DENND5A: variants seen among roughly 807,000 people sequenced by gnomAD.
DENND5A encodes DENN domain-containing protein 5A.
A neutral mutation model predicts 140.3 loss-of-function variants in DENND5A; 64 were observed. The observed-to-expected ratio is 0.46, with a 90% confidence interval of 0.37 to 0.56. The LOEUF is 0.56. DENND5A is among the 20% of genes least tolerant of loss of function. The probability of loss-of-function intolerance (pLI) is 0.00; values close to 1 mark genes in which losing one functional copy is unlikely to be tolerated. For missense variants in DENND5A, 1,292 were observed against 1,593.8 expected, an observed-to-expected ratio of 0.81 and a Z score of 3.22; for synonymous variants, 605 against 607.7, an observed-to-expected ratio of 1.00 and a Z score of 0.07.
chr11:9,173,571 A>C (rs1848445073), intron 8 of DENND5A, among the ~76,000 whole-genome samples: 1 of 152,142 alleles, frequency 6.6e-6, no homozygotes, highest in Non-Finnish European at 1.5e-5. Flanking sequence ...TCCAAGTTGG[A>C]CTCAAACTCC....
chr11:9,193,184 T>C (rs915539898), intron 5 of DENND5A, among the ~76,000 whole-genome samples: 2 of 152,190 alleles, frequency 1.3e-5, no homozygotes, highest in South Asian at 2.1e-4. Flanking sequence ...GCTACGATCA[T>C]GCTACTGCAC....
chr11:9,147,588 A>G (rs1847475382), intron 15 of DENND5A, among the ~76,000 whole-genome samples: 1 of 152,138 alleles, frequency 6.6e-6, no homozygotes, highest in Non-Finnish European at 1.5e-5. Flanking sequence ...CCCTGAGTAG[A>G]TCTGAGAGCC....
chr11:9,264,920 A>G (rs1852376352), intron 1 of DENND5A, 41 bp downstream of exon 1: 2 of 1,475,928 alleles, frequency 1.4e-6, no homozygotes, highest in African/African-American at 1.4e-5. Context: ...CCCCGACGAC[A>G]GCGGGCGCGG....
chr11:9,249,283 C>T (rs1467604852), intron 1 of DENND5A, among the ~76,000 whole-genome samples: 2 of 151,712 alleles, frequency 1.3e-5, no homozygotes, highest in East Asian at 1.9e-4. Flanking sequence ...GTAATTCTAA[C>T]GTGTTGTAAC....
rs568405118 is a variant in DENND5A, at chr11:9,147,067, G to T, written c.2820C>A (p.Val940=). The T allele has an allele frequency of 1.9e-6, 3 of 1,614,158 alleles. No individual in the cohort carries two copies. Among genetic ancestry groups the T allele is most frequent in the Non-Finnish European group, 2.5e-6 (3 of 1,179,986 alleles). The change falls in exon 16 of 23, where the codon GTC becomes GTA. Residue 940 remains valine (V), a synonymous_variant. Transcript: ENST00000328194. ...FLYHLLSFNA[V]DYFCFTNVFT... is the part of the protein sequence containing the mutation. ...AGACATTGGTGAAGCAAAAGTAATC[G>T]ACGGCATTGAAAGACAGGAGGTGAT...
At chr11:9,215,839 C>G (rs1431025162) in intron 1 of DENND5A, among the ~76,000 whole-genome samples, 1 of 152,102 alleles carries the variant, frequency 6.6e-6, no homozygotes, top group African/African-American at 2.4e-5. Context: ...CGTGAGCCAC[C>G]GCGCCTGGCC....
intron 12 of DENND5A, among the ~76,000 whole-genome samples, chr11:9,157,230 C>G (rs931466579): frequency 1.3e-5 from 2 of 152,186 alleles, no homozygotes; most frequent in Non-Finnish European, 2.9e-5. Context: ...CCATACAGAA[C>G]CCAGCATAAT....
At position 9,179,284 on chromosome 11, in the gene DENND5A, C is replaced by A. The variant is rs1385428793; in HGVS notation, c.1456-211G>T. ...AGGAGAGAAAAGTCAAAGAGTTTCA[C>A]TTAAAGATATCCAACAACTCAATGA... On this transcript the variant is annotated intron_variant, in intron 6 of 22. Transcript: ENST00000328194. Among the ~76,000 whole-genome samples, 3 of 152,056 alleles carry A rather than the reference C, an allele frequency of 2.0e-5. 1 individual carries two copies. The highest frequency in any genetic ancestry group is 7.2e-5 in the African/African-American group (3 of 41,394).
At chr11:9,191,210 C>A (rs1353864012) in intron 5 of DENND5A, among the ~76,000 whole-genome samples, 2 of 151,774 alleles carry the variant, frequency 1.3e-5, no homozygotes, top group African/African-American at 4.8e-5. Flanking sequence ...TTTTGGGTTT[C>A]TTTTCTGTTT....
rs60770899 is a variant in DENND5A, at chr11:9,153,387, C to T, written c.2437-945G>A. Among the ~76,000 whole-genome samples the T allele has an allele frequency of 0.015, 2,147 of 144,298 alleles. 199 individuals are homozygous for T. In the East Asian group the frequency reaches 0.27, roughly 18 times the overall value. The allele number at this position is 144,298 out of a possible 152,430, so 94.7% of individuals were successfully genotyped here. On this transcript the variant is annotated intron_variant, in intron 12 of 22. Transcript: ENST00000328194. ...AAAAAAAAAGAAGCAAATGACCTAT[C>T]ATCCTCTAAATGGTCTGCTGGTTTT...
chr11:9,198,328 AC>A, intron 4 of DENND5A, among the ~76,000 whole-genome samples: 1 of 151,910 alleles, frequency 6.6e-6, no homozygotes, highest in Non-Finnish European at 1.5e-5. Flanking sequence ...AAAAAAAGTA[AC>A]CAGGGCTGGG....
intron 5 of DENND5A, 74 bp from the exon 6 acceptor site, chr11:9,181,158 G>A: frequency 7.4e-7 from 1 of 1,359,404 alleles, no homozygotes; most frequent in South Asian, 1.4e-5. Flanking sequence ...AAAGGTTAGT[G>A]AACAAGAGGG....
intron 8 of DENND5A, among the ~76,000 whole-genome samples, chr11:9,177,497 AT>A (rs112442431): frequency 0.043 from 6,377 of 149,406 alleles, 414 homozygotes; most frequent in African/African-American, 0.14. Flanking sequence ...AAAAAAAAAA[AT>A]TTTTTAATTA....
At chr11:9,224,891 A>G (rs953426711) in intron 1 of DENND5A, among the ~76,000 whole-genome samples, 12 of 151,578 alleles carry the variant, frequency 7.9e-5, no homozygotes, top group East Asian at 3.9e-4. Context: ...CAGTATCCCA[A>G]CGTTTTCATT....
chr11:9,183,465 T>C (rs1848802075), intron 5 of DENND5A, among the ~76,000 whole-genome samples: 1 of 151,910 alleles, frequency 6.6e-6, no homozygotes, highest in African/African-American at 2.4e-5. Flanking sequence ...GAGACAGAGT[T>C]TTGCTCTATT....
intron 1 of DENND5A, chr11:9,245,282 C>CA (rs112989622): frequency 0.21 from 20,474 of 95,960 alleles, 1,742 homozygotes; most frequent in Middle Eastern, 0.26. Flanking sequence ...AGACTGTCAC[C>CA]AAAAAAAAAA....
intron 1 of DENND5A, among the ~76,000 whole-genome samples, chr11:9,248,538 G>A (rs949740781): frequency 6.6e-6 from 1 of 151,924 alleles, no homozygotes; most frequent in Non-Finnish European, 1.5e-5. Flanking sequence ...GTCTGTGGTC[G>A]CAGCTACTCC....
rs774521348 is a variant in DENND5A at position 9,179,027 on chromosome 11, T to A, written c.1502A>T (p.Gln501Leu). The A allele has an allele frequency of 9.3e-6, 15 of 1,614,182 alleles. No individual in the cohort carries two copies. Among genetic ancestry groups the A allele is most frequent in the Middle Eastern group, 1.6e-4 (1 of 6,062 alleles). Reference protein sequence around the residue: ...DPSSNKDLKVQCDEEELRIYQ... With the variant: ...DPSSNKDLKVLCDEEELRIYQ... The stretch of plus-strand genomic sequence containing the variant: ...AATCCTGAGTTCTTCTTCATCACAC[T>A]GAACTTTGAGATCCTTATTGCTGCT... The change falls in exon 7 of 23, where the codon CAG becomes CTG. Residue 501 changes from glutamine to leucine, a missense_variant. Physicochemically the swap from Gln to Leu is moderately radical, Grantham distance 113. This residue lies in a region of DENND5A where 566 missense variants were observed against 650.4 expected (regional missense o/e 0.87). Transcript: ENST00000328194.
intron 4 of DENND5A, among the ~76,000 whole-genome samples, chr11:9,195,296 G>A (rs1234477049): frequency 6.7e-6 from 1 of 150,258 alleles, no homozygotes; most frequent in Non-Finnish European, 1.5e-5. Context: ...GGCTGGTCAC[G>A]AACTCCCAAC....
Sources: gnomAD v4.1 joint callset for allele counts (sites outside exome capture counted in the v4.1 genomes callset) on GRCh38, gnomAD v4.1.1 for gene constraint, gnomAD v4.1.1 regional missense constraint, MANE v1.5 for transcripts, NCBI Gene and HGNC (gene_info 2026-07-23, HGNC 2026-07-21) for gene names.